RNF6: variants seen among roughly 807,000 people sequenced by gnomAD.
RNF6 encodes the protein E3 ubiquitin-protein ligase RNF6.
Under a neutral mutation model 50.1 loss-of-function variants are expected in RNF6, and 21 were observed. That is an observed-to-expected ratio of 0.42 (90% CI 0.30 to 0.60). The LOEUF (loss-of-function observed/expected upper bound fraction) is 0.60, where lower values mean the gene tolerates loss of function less well. Ranked by LOEUF, RNF6 falls within the 20% of genes least tolerant of loss-of-function variation. The probability of loss-of-function intolerance (pLI) is 0.20; values close to 1 mark genes in which losing one functional copy is unlikely to be tolerated. For synonymous variants in RNF6, 255 were observed against 291.8 expected (o/e 0.87, Z 1.29); for missense variants, 698 against 838.2 (o/e 0.83, Z 2.07).
chr13:26,200,273 A>T (rs138932655), intron 5 of RNF6, among the ~76,000 whole-genome samples: 10 of 152,302 alleles, frequency 6.6e-5, no homozygotes, highest in Non-Finnish European at 1.2e-4. Flanking sequence ...TAAAATCAAA[A>T]AGCCTGACAA....
chr13:26,164,421 C>T (rs548419315), intron 5 of RNF6, among the ~76,000 whole-genome samples: 9 of 152,176 alleles, frequency 5.9e-5, no homozygotes, highest in African/African-American at 2.2e-4. Flanking sequence ...TATATTAAGT[C>T]TGCCTTTGAT....
At chr13:26,154,224 A>G (rs956403123) in intron 5 of RNF6, 4 of 152,250 alleles carry the variant, frequency 2.6e-5, no homozygotes, top group African/African-American at 9.6e-5. Flanking sequence ...GGAACTCTAA[A>G]ACAACTAGTA....
intron 5 of RNF6, among the ~76,000 whole-genome samples, chr13:26,189,563 C>G (rs2137681624): frequency 6.6e-6 from 1 of 152,238 alleles, no homozygotes; most frequent in South Asian, 2.1e-4. Context: ...GCAGTTTGCC[C>G]CAATCTTAAG....
rs1869767138 is a variant in RNF6, at chr13:26,215,401, C to T, written c.481G>A (p.Gly161Arg). Reference protein sequence around the residue: ...LEIHVNHENRGFEIHGEDYTD... With the variant: ...LEIHVNHENRRFEIHGEDYTD... ...TAATCTTCTCCATGAATTTCAAATC[C>T]TCTATTTTCATGATTTACGTGGATT... The change falls in exon 5 of 5, where the codon GGA becomes AGA. Residue 161 changes from glycine (G) to arginine (R), a missense_variant. Gly to Arg is a moderately radical substitution (Grantham distance 125). Coordinates refer to ENST00000381588, the MANE Select transcript of RNF6 (RefSeq NM_005977.4). 1 of 1,614,028 alleles carries T rather than the reference C, an allele frequency of 6.2e-7. No individual in the cohort carries two copies. Among genetic ancestry groups the T allele is most frequent in the African/African-American group, 1.3e-5 (1 of 74,908 alleles).
At chr13:26,167,060 G>A (rs1302619328) in intron 5 of RNF6, among the ~76,000 whole-genome samples, 1 of 152,172 alleles carries the variant, frequency 6.6e-6, no homozygotes, top group African/African-American at 2.4e-5. Flanking sequence ...CTAACGCAAT[G>A]GGTTAAAGAC....
intron 5 of RNF6, among the ~76,000 whole-genome samples, chr13:26,184,253 G>A (rs965182274): frequency 6.6e-6 from 1 of 151,624 alleles, no homozygotes; most frequent in African/African-American, 2.4e-5. Context: ...GGATGGTCTC[G>A]ATCTCCTGAC....
At chr13:26,193,351 C>T (rs530568561) in intron 5 of RNF6, among the ~76,000 whole-genome samples, 15 of 151,402 alleles carry the variant, frequency 9.9e-5, no homozygotes, top group Admixed American at 5.9e-4. Flanking sequence ...GTCAGTAATA[C>T]GGAAGGAAAG....
chr13:26,218,334 CCT>C (rs1870106963), intron 4 of RNF6, among the ~76,000 whole-genome samples, 175 bp downstream of exon 4: 4 of 152,148 alleles, frequency 2.6e-5, no homozygotes, highest in Admixed American at 2.0e-4. Flanking sequence ...TGCATTCATT[CCT>C]CTGTCCTATA....
intron 5 of RNF6, among the ~76,000 whole-genome samples, chr13:26,201,221 A>G (rs1341579821): frequency 6.6e-6 from 1 of 152,248 alleles, no homozygotes; most frequent in African/African-American, 2.4e-5. Flanking sequence ...ATCACTACTA[A>G]GAACCTAAAA....
chr13:26,207,617 C>A (rs1869161714), intron 5 of RNF6, among the ~76,000 whole-genome samples: 1 of 152,220 alleles, frequency 6.6e-6, no homozygotes, highest in African/African-American at 2.4e-5. Flanking sequence ...CAAACACACA[C>A]CACCTCAAAG....
chr13:26,170,103 A>G (rs1872625260), intron 5 of RNF6, among the ~76,000 whole-genome samples: 1 of 152,118 alleles, frequency 6.6e-6, no homozygotes, highest in Admixed American at 6.5e-5. Context: ...TGCCCTCAAC[A>G]CTAAGGGAGT....
chr13:26,182,810 A>G (rs1012070707), intron 5 of RNF6, among the ~76,000 whole-genome samples: 2 of 152,252 alleles, frequency 1.3e-5, no homozygotes, highest in Admixed American at 1.3e-4. Flanking sequence ...GTCTCAAGAA[A>G]AAAAAGAAAA....
rs1214353035 is a variant in RNF6, at chr13:26,193,932, ATTTTC to A, written n.768+21537_768+21541del. On this transcript the variant is annotated intron_variant and non_coding_transcript_variant, in intron 5 of 5. Transcript: ENST00000468480. The stretch of plus-strand genomic sequence containing the variant: ...TAGATGTTCTTGTGTAATTATTTCT[ATTTTC>A]TTAGTGAAATAGAGAGTAGATTATT... Among the ~76,000 whole-genome samples, 4 of 152,326 alleles carry A rather than the reference ATTTTC, an allele frequency of 2.6e-5. No homozygotes were observed. The East Asian group carries it at 5.8e-4, about 22-fold the overall frequency.
At position 26,218,594 on chromosome 13, in the gene RNF6, G is replaced by A; in HGVS notation, c.206C>T (p.Ser69Leu). 1.2e-6 allele frequency: 2 copies of A among 1,613,598 alleles called. No individual in the cohort carries two copies. The highest frequency in any genetic ancestry group is 1.7e-6 in the Non-Finnish European group (2 of 1,179,682). The stretch of plus-strand genomic sequence containing the variant: ...ATCTAACCGCTGTTGCAGTTCTTCT[G>A]ATGTTATTTCTCCTAAAACAATGAA... Reference protein sequence around the residue: ...NLLGTPGEITSEELQQRLDGV... With the variant: ...NLLGTPGEITLEELQQRLDGV... Residue 69 changes from serine to leucine, a missense_variant, in exon 4 of 5, where the codon TCA becomes TTA. Physicochemically the swap from Ser to Leu is moderately radical, Grantham distance 145. Transcript: ENST00000381588.
Position 26,219,526 on chromosome 13 carries a change from GATA to G in RNF6, c.121_123del (p.Tyr41del). On this transcript the variant is annotated inframe_deletion, in exon 3 of 5. Transcript: ENST00000381588. ...TCATCATTGAGTTCATTAATAAACT[GATA>G]ATAGGCCTCTTCTCTGTGGAGACGC... is the stretch of plus-strand genomic sequence containing the variant. 6.2e-7 allele frequency: 1 copy of G among 1,613,754 alleles called. No individual in the cohort carries two copies. The highest frequency in any genetic ancestry group is 8.5e-7 in the Non-Finnish European group (1 of 1,179,884).
chr13:26,140,728 A>G (rs1870894178), intron 5 of RNF6, among the ~76,000 whole-genome samples: 1 of 152,218 alleles, frequency 6.6e-6, no homozygotes, highest in Admixed American at 6.5e-5. Flanking sequence ...CTATACCTAG[A>G]AAACCCTAAA....
chr13:26,153,351 T>C (rs1282657540), intron 5 of RNF6, among the ~76,000 whole-genome samples: 1 of 151,992 alleles, frequency 6.6e-6, no homozygotes, highest in African/African-American at 2.4e-5. Flanking sequence ...GTAGCTGAGA[T>C]TACAGGCATG....
intron 4 of RNF6, among the ~76,000 whole-genome samples, chr13:26,217,701 A>G (rs560121017): frequency 1.3e-5 from 2 of 152,350 alleles, no homozygotes; most frequent in African/African-American, 4.8e-5. Flanking sequence ...ACTATTAAGC[A>G]CCTGAATGTG....
chr13:26,214,704 C>G lies in RNF6; in HGVS notation c.1178G>C (p.Arg393Pro), dbSNP rs1293057465. ...ESSRSSTAVR[R>P]HPTITLDLQV... Reference sequence around the variant, plus strand: ...AAGGTCCAGTGTGATTGTTGGATGTCGTCGTACAGCAGTTGAGGATCTGCT... The same window carrying G: ...AAGGTCCAGTGTGATTGTTGGATGTGGTCGTACAGCAGTTGAGGATCTGCT... The change falls in exon 5 of 5, where the codon CGA becomes CCA. Residue 393 changes from arginine to proline, a missense_variant. Transcript: ENST00000381588. The G allele has an allele frequency of 1.2e-6, 2 of 1,614,224 alleles. No individual in the cohort carries two copies. The highest frequency in any genetic ancestry group is 1.7e-6 in the Non-Finnish European group (2 of 1,180,030).
Sources: gnomAD v4.1 joint callset for allele counts (sites outside exome capture counted in the v4.1 genomes callset) on GRCh38, gnomAD v4.1.1 for gene constraint, MANE v1.5 for transcripts, NCBI Gene and HGNC (gene_info 2026-07-23, HGNC 2026-07-21) for gene names.